The following NSMCE2 variants were observed in gnomAD, a reference collection of about 807,000 sequenced individuals.
The protein encoded by NSMCE2 is E3 SUMO-protein ligase NSE2.
A neutral mutation model predicts 23.8 loss-of-function variants in NSMCE2; 24 were observed. That is an observed-to-expected ratio of 1.01 (90% CI 0.73 to 1.42). The LOEUF (loss-of-function observed/expected upper bound fraction) is 1.42. Among genes scored for constraint, NSMCE2 ranks in the 40% most tolerant of loss-of-function variants. The pLI is 0.00. For synonymous variants in NSMCE2, 92 were observed against 94.1 expected (o/e 0.98, Z 0.13); for missense variants, 284 against 296.5 (o/e 0.96, Z 0.31).
intron 5 of NSMCE2, among the ~76,000 whole-genome samples, chr8:125,286,446 G>A (rs1229619716): frequency 2.0e-5 from 3 of 151,566 alleles, no homozygotes; most frequent in African/African-American, 7.3e-5. Flanking sequence ...CCAAGTAGCT[G>A]GGATTACAGG....
chr8:125,292,470 C>G (rs1222835233), intron 5 of NSMCE2, among the ~76,000 whole-genome samples: 1 of 151,948 alleles, frequency 6.6e-6, no homozygotes, highest in Admixed American at 6.6e-5. Context: ...AGGAGAGTCA[C>G]TTGAACCTAG....
intron 5 of NSMCE2, among the ~76,000 whole-genome samples, chr8:125,217,961 T>C (rs1334363418): frequency 6.6e-6 from 1 of 152,136 alleles, no homozygotes; most frequent in Admixed American, 6.6e-5. Flanking sequence ...GCTCAGGTAT[T>C]TGTGGTCATT....
At chr8:125,099,651 A>G (rs1818091812) in intron 1 of NSMCE2, among the ~76,000 whole-genome samples, 1 of 152,150 alleles carries the variant, frequency 6.6e-6, no homozygotes, top group Non-Finnish European at 1.5e-5. Flanking sequence ...CTGAGCATTG[A>G]TAACAAATTT....
At chr8:125,116,714 G>A (rs893596619) in intron 3 of NSMCE2, among the ~76,000 whole-genome samples, 8 of 152,046 alleles carry the variant, frequency 5.3e-5, no homozygotes, top group Non-Finnish European at 7.4e-5. Flanking sequence ...TACCTGTCAT[G>A]GAGTCTTGAG....
chr8:125,297,625 G>A (rs1220233416), intron 5 of NSMCE2, among the ~76,000 whole-genome samples: 1 of 151,268 alleles, frequency 6.6e-6, no homozygotes, highest in Non-Finnish European at 1.5e-5. Context: ...AAAGCCAGCA[G>A]TTCGAGACCA....
At chr8:125,363,530 A>AAGAC (rs1332554819) in intron 7 of NSMCE2, among the ~76,000 whole-genome samples, 11 of 129,986 alleles carry the variant, frequency 8.5e-5, no homozygotes, top group African/African-American at 3.3e-4. Flanking sequence ...GAGAGAAAGA[A>AAGAC]AGAAAGAAAG....
intron 5 of NSMCE2, among the ~76,000 whole-genome samples, chr8:125,209,328 G>C (rs987797924): frequency 3.3e-5 from 5 of 152,092 alleles, no homozygotes; most frequent in African/African-American, 1.2e-4. Flanking sequence ...ATGTCAACTG[G>C]GTACTTTCTA....
At chr8:125,166,974 C>A (rs1242309086) in intron 4 of NSMCE2, among the ~76,000 whole-genome samples, 1 of 152,186 alleles carries the variant, frequency 6.6e-6, no homozygotes, top group South Asian at 2.1e-4. Flanking sequence ...GGTGCCACTG[C>A]ACTCCAGCCT....
chr8:125,243,712 A>C (rs940425971), intron 5 of NSMCE2, among the ~76,000 whole-genome samples: 8 of 152,208 alleles, frequency 5.3e-5, no homozygotes, highest in African/African-American at 1.9e-4. Flanking sequence ...GAGTCAGGTA[A>C]GGTGGAGTGA....
chr8:125,342,014 T>C (rs1830271780), intron 5 of NSMCE2, among the ~76,000 whole-genome samples: 1 of 151,072 alleles, frequency 6.6e-6, no homozygotes, highest in Non-Finnish European at 1.5e-5. Context: ...GTTAATTGCC[T>C]CAGGTGGTGG....
intron 5 of NSMCE2, among the ~76,000 whole-genome samples, chr8:125,240,652 A>G (rs1453568140): frequency 6.6e-6 from 1 of 151,814 alleles, no homozygotes; most frequent in Middle Eastern, 3.2e-3. Context: ...CAATTTTACC[A>G]TAAGGCTTGA....
chr8:125,288,961 C>A (rs1249566048), intron 5 of NSMCE2, among the ~76,000 whole-genome samples: 1 of 152,006 alleles, frequency 6.6e-6, no homozygotes, highest in Non-Finnish European at 1.5e-5. Context: ...CCATGCCCAG[C>A]TAATTTTTTG....
At chr8:125,198,297 C>G (rs545030391) in intron 5 of NSMCE2, among the ~76,000 whole-genome samples, 32 of 152,230 alleles carry the variant, frequency 2.1e-4, no homozygotes, top group African/African-American at 7.7e-4. Flanking sequence ...CAGTTTTTGC[C>G]CATTCAGGAT....
chr8:125,096,224 C>G (rs1817922191), intron 1 of NSMCE2, among the ~76,000 whole-genome samples: 1 of 152,160 alleles, frequency 6.6e-6, no homozygotes, highest in Non-Finnish European at 1.5e-5. Context: ...ATTTCATTGC[C>G]TTGGGTACAG....
chr8:125,292,797 A>G (rs1309964135), intron 5 of NSMCE2, among the ~76,000 whole-genome samples: 1 of 152,234 alleles, frequency 6.6e-6, no homozygotes, highest in Non-Finnish European at 1.5e-5. Flanking sequence ...TAGTTATTTA[A>G]TCAGAATGGG....
chr8:125,114,030 T>C (rs1818882939), intron 3 of NSMCE2, among the ~76,000 whole-genome samples: 1 of 152,198 alleles, frequency 6.6e-6, no homozygotes. Context: ...GTTTTTAGAT[T>C]GTATTCTCAA....
At chr8:125,338,429 A>G (rs1218874593) in intron 5 of NSMCE2, among the ~76,000 whole-genome samples, 1 of 152,190 alleles carries the variant, frequency 6.6e-6, no homozygotes, top group Admixed American at 6.5e-5. Context: ...TCTTTTGAAA[A>G]GCTTTGTTCC....
At chr8:125,147,864 G>A (rs554632368) in intron 3 of NSMCE2, among the ~76,000 whole-genome samples, 6 of 152,114 alleles carry the variant, frequency 3.9e-5, no homozygotes, top group Non-Finnish European at 5.9e-5. Flanking sequence ...AAAGAATTAC[G>A]AAAATCCTCT....
chr8:125,178,996 T>C (rs969949345), intron 4 of NSMCE2, among the ~76,000 whole-genome samples: 6 of 152,232 alleles, frequency 3.9e-5, no homozygotes, highest in African/African-American at 1.4e-4. Context: ...TTTGATGCCA[T>C]AGGACCCAGC....
Sources: allele counts gnomAD v4.1 joint callset (sites outside exome capture counted in the v4.1 genomes callset), GRCh38; gene constraint gnomAD v4.1.1; transcripts MANE v1.5; gene names NCBI Gene and HGNC (gene_info 2026-07-23, HGNC 2026-07-21).